Variants in CA1 observed in about 807,000 individuals in gnomAD.
CA1 encodes carbonic anhydrase 1.
Under a neutral mutation model 28.8 loss-of-function variants are expected in CA1, and 27 were observed. The observed-to-expected ratio is 0.94, with a 90% CI of 0.69 to 1.29. The LOEUF is 1.29. CA1 is among the 50% of genes most tolerant of loss of function. The pLI, the probability that CA1 is intolerant of heterozygous loss-of-function variation, is 0.00. For missense variants in CA1, 335 were observed against 310.5 expected (o/e 1.08, Z -0.59); for synonymous variants, 121 against 108.8 (o/e 1.11, Z -0.70).
At chr8:85,330,300 G>T (rs1043292148) in intron 6 of CA1, among the ~76,000 whole-genome samples, 4 of 152,054 alleles carry the variant, frequency 2.6e-5, no homozygotes, top group African/African-American at 9.7e-5. Flanking sequence ...TTACTGGTGT[G>T]TAGGAAATAT....
chr8:85,348,328 T>C (rs987475998), intron 1 of CA1, among the ~76,000 whole-genome samples: 2 of 152,194 alleles, frequency 1.3e-5, no homozygotes, highest in Non-Finnish European at 2.9e-5. Context: ...TGCTCTGCAG[T>C]AGTTTTTAAA....
chr8:85,365,145 G>T (rs1281372419), intron 1 of CA1, among the ~76,000 whole-genome samples: 4 of 152,224 alleles, frequency 2.6e-5, no homozygotes, highest in Non-Finnish European at 5.9e-5. Flanking sequence ...GTATATAAAA[G>T]GGTGAGGGAA....
Position 85,328,658 on chromosome 8 carries a change from G to T in CA1, c.688C>A (p.Leu230Ile). The change falls in exon 8 of 8, where the codon CTT becomes ATT. Residue 230 changes from leucine to isoleucine, a missense_variant. Leu to Ile is a conservative substitution (Grantham distance 5). Transcript: ENST00000523022. ...TTATCACCTTCAACATTTGATAGAAGGCTGCGGAATTGTGCCAGCTAGAAG... is the reference window on the plus strand; with the variant it reads ...TTATCACCTTCAACATTTGATAGAATGCTGCGGAATTGTGCCAGCTAGAAG... The part of the protein sequence containing the change: ...SSEQLAQFRS[L>I]LSNVEGDNAV... The T allele has an allele frequency of 6.2e-7, 1 of 1,608,406 alleles. No homozygotes were observed. The highest frequency in any genetic ancestry group is 8.5e-7 in the Non-Finnish European group (1 of 1,175,960).
At position 85,333,614 on chromosome 8, in the gene CA1, C is replaced by T. The variant is rs74744080; in HGVS notation, c.361G>A (p.Val121Ile). ...TACTTTGCAGAATTCCAGTGAGCTA[C>T]GTGAAGCTAAAAATGATACTATGGT... ...DGVKYSAELH[V>I]AHWNSAKYSS... Residue 121 changes from valine (V) to isoleucine (I), a missense_variant, in exon 5 of 8, where the codon GTA becomes ATA. Val to Ile is a conservative substitution (Grantham distance 29). Transcript: ENST00000523022. 59 of 1,602,446 alleles carry T rather than the reference C, an allele frequency of 3.7e-5. No individual in the cohort carries two copies. In the East Asian group the frequency reaches 9.9e-4, roughly 27 times the overall value.
chr8:85,330,423 T>A (rs1198497063), intron 6 of CA1, among the ~76,000 whole-genome samples: 1 of 152,124 alleles, frequency 6.6e-6, no homozygotes, highest in Non-Finnish European at 1.5e-5. Flanking sequence ...AGTTTTGTTT[T>A]TGCTCTTTCG....
At chr8:85,369,245 C>A (rs1239006615) in intron 1 of CA1, among the ~76,000 whole-genome samples, 2 of 152,040 alleles carry the variant, frequency 1.3e-5, no homozygotes, top group Non-Finnish European at 2.9e-5. Context: ...GTTTACAGAT[C>A]TGTGAAATGG....
chr8:85,367,248 A>G (rs980820248), intron 1 of CA1, among the ~76,000 whole-genome samples: 4 of 152,304 alleles, frequency 2.6e-5, no homozygotes, highest in Non-Finnish European at 2.9e-5. Flanking sequence ...TGGCATGTCA[A>G]TATAGCTATT....
At chr8:85,336,385 T>C (rs1407018513) in intron 4 of CA1, among the ~76,000 whole-genome samples, 2 of 152,278 alleles carry the variant, frequency 1.3e-5, no homozygotes, top group East Asian at 3.9e-4. Flanking sequence ...CATGTCTCCA[T>C]TTTTCTTTGG....
chr8:85,360,344 T>C (rs1809745348), intron 1 of CA1, among the ~76,000 whole-genome samples: 1 of 152,116 alleles, frequency 6.6e-6, no homozygotes, highest in East Asian at 1.9e-4. Context: ...ATCTAAAAGG[T>C]AAAAAATTTT....
chr8:85,332,194 C>A (rs1417430411), intron 6 of CA1, among the ~76,000 whole-genome samples: 2 of 152,074 alleles, frequency 1.3e-5, no homozygotes, highest in African/African-American at 4.8e-5. Context: ...TGGAAAATCA[C>A]AATTTTGTTA....
At chr8:85,334,168 C>T (rs1808539380) in intron 4 of CA1, among the ~76,000 whole-genome samples, 2 of 152,212 alleles carry the variant, frequency 1.3e-5, no homozygotes, top group African/African-American at 4.8e-5. Context: ...GATATCTCTA[C>T]ATGGATGTCT....
intron 6 of CA1, 38 bp from the exon 7 acceptor site, chr8:85,329,882 AATACTT>A: frequency 1.4e-6 from 2 of 1,476,118 alleles, no homozygotes; most frequent in Middle Eastern, 4.1e-4. Context: ...CATGATATAA[AATACTT>A]ATATGAATAT....
At chr8:85,348,517 G>A (rs1809288093) in intron 1 of CA1, among the ~76,000 whole-genome samples, 1 of 152,134 alleles carries the variant, frequency 6.6e-6, no homozygotes, top group South Asian at 2.1e-4. Flanking sequence ...TTAATGATTT[G>A]CAGAACGACT....
chr8:85,356,614 T>C (rs992187259), intron 1 of CA1, among the ~76,000 whole-genome samples: 1 of 152,170 alleles, frequency 6.6e-6, no homozygotes, highest in Non-Finnish European at 1.5e-5. Context: ...AAATTTAAAA[T>C]TAGTTTAACT....
intron 1 of CA1, among the ~76,000 whole-genome samples, chr8:85,376,949 T>C (rs1368151905): frequency 6.6e-6 from 1 of 152,146 alleles, no homozygotes; most frequent in East Asian, 1.9e-4. Context: ...CATCTATCTA[T>C]TCTCTTTATT....
At chr8:85,375,879 T>A (rs1437177497) in intron 1 of CA1, among the ~76,000 whole-genome samples, 1 of 152,324 alleles carries the variant, frequency 6.6e-6, no homozygotes, top group East Asian at 1.9e-4. Flanking sequence ...ACGTAGGGAA[T>A]GGTCAATAAA....
chr8:85,353,535 C>T (rs2130300558), intron 1 of CA1, among the ~76,000 whole-genome samples: 1 of 152,064 alleles, frequency 6.6e-6, no homozygotes, highest in African/African-American at 2.4e-5. Flanking sequence ...CTTTTTTTGT[C>T]CCTTACTTTT....
rs1808234206 is a variant in CA1, at chr8:85,327,717, CAATT to C, written c.*839_*842del. ...ATAAACATGTACAATTATTGTGTGT[CAATT>C]AAAGATAAAAATAGCATAAGGTGAA... On this transcript the variant is annotated 3_prime_UTR_variant, in exon 8 of 8. Coordinates refer to ENST00000523022, the MANE Select transcript of CA1 (RefSeq NM_001128831.4). The C allele has an allele frequency of 6.6e-6, 1 of 152,054 alleles. No homozygotes were observed. Among genetic ancestry groups the C allele is most frequent in the Non-Finnish European group, 1.5e-5 (1 of 68,000 alleles). The allele number at this position is 152,054 out of a possible 1,614,324, so 9.4% of individuals were successfully genotyped here. A position where few individuals can be genotyped will look rare whatever the true frequency, so the allele number is the denominator to read the frequency against.
At chr8:85,332,624 A>G in intron 5 of CA1, 72 bp from the exon 6 acceptor site, 1 of 1,150,330 alleles carries the variant, frequency 8.7e-7, no homozygotes, top group Admixed American at 1.7e-5. Flanking sequence ...TAAATTTTGA[A>G]TTTTTTTTCA....
Sources: allele counts gnomAD v4.1 joint callset (sites outside exome capture counted in the v4.1 genomes callset), GRCh38; gene constraint gnomAD v4.1.1; transcripts MANE v1.5; gene names NCBI Gene and HGNC (gene_info 2026-07-23, HGNC 2026-07-21).